GALNT8: variants seen among roughly 807,000 people sequenced by gnomAD.
The protein encoded by GALNT8 is polypeptide N-acetylgalactosaminyltransferase 8.
A neutral mutation model predicts 62.7 loss-of-function variants in GALNT8; 66 were observed. The observed-to-expected ratio is 1.05, with a 90% CI of 0.86 to 1.29. The LOEUF (loss-of-function observed/expected upper bound fraction) is 1.29, where lower values mean the gene tolerates loss of function less well. Among genes scored for constraint, GALNT8 ranks in the 50% most tolerant of loss-of-function variants. The pLI is 0.00. For synonymous variants in GALNT8, 288 were observed against 294.3 expected (o/e 0.98, Z 0.22); for missense variants, 771 against 791.8 (o/e 0.97, Z 0.32).
At chr12:4,755,073 A>AT (rs1946338705) in intron 6 of GALNT8, among the ~76,000 whole-genome samples, 1 of 152,196 alleles carries the variant, frequency 6.6e-6, no homozygotes, top group African/African-American at 2.4e-5. Context: ...GGGATGGGTC[A>AT]TGCCAGTACT....
At chr12:4,758,286 A>T (rs1437379274) in intron 6 of GALNT8, among the ~76,000 whole-genome samples, 1 of 151,836 alleles carries the variant, frequency 6.6e-6, no homozygotes, top group African/African-American at 2.4e-5. Context: ...CTTTATTCTG[A>T]CATCTAGTGG....
intron 7 of GALNT8, among the ~76,000 whole-genome samples, chr12:4,762,521 G>A (rs578119992): frequency 4.7e-4 from 72 of 152,326 alleles, no homozygotes; most frequent in African/African-American, 1.4e-3. Context: ...ATCATGAGGA[G>A]TATGTTGGGT....
rs538197779 is a variant in GALNT8 at position 4,721,513 on chromosome 12, A to G, written c.211+625A>G. On this transcript the variant is annotated intron_variant, in intron 1 of 10. Coordinates refer to ENST00000252318, the MANE Select transcript of GALNT8 (RefSeq NM_017417.2). ...ACGTGAACAAAGGTCTCTGCATCAT[A>G]GACAAGGTAAAGAATTAAGTGCTGT... Among the ~76,000 whole-genome samples the G allele has an allele frequency of 3.0e-3, 455 of 152,316 alleles. 1 individual carries two copies. Among genetic ancestry groups the G allele is most frequent in the African/African-American group, 0.01 (424 of 41,568 alleles).
At chr12:4,770,458 A>G (rs1260093477) in intron 10 of GALNT8, among the ~76,000 whole-genome samples, 1 of 152,016 alleles carries the variant, frequency 6.6e-6, no homozygotes, top group Non-Finnish European at 1.5e-5. Flanking sequence ...GAAATAGAAA[A>G]CAGACCACTG....
chr12:4,764,653 C>A (rs112451651), intron 9 of GALNT8, among the ~76,000 whole-genome samples: 1 of 150,110 alleles, frequency 6.7e-6, no homozygotes, highest in East Asian at 2.0e-4. Flanking sequence ...ACGGCATTCT[C>A]CTGCCTCAGC....
At chr12:4,747,813 T>A (rs1166652172) in intron 6 of GALNT8, among the ~76,000 whole-genome samples, 1 of 152,176 alleles carries the variant, frequency 6.6e-6, no homozygotes, top group Non-Finnish European at 1.5e-5. Flanking sequence ...TCCATAGTGG[T>A]TGTACTAATC....
At position 4,720,755 on chromosome 12, in the gene GALNT8, A is replaced by T. The variant is rs961446090; in HGVS notation, c.78A>T (p.Val26=). ...CCATTGCTGTCAATCTCCTTCTGGT[A>T]TTTTCTAGCAAGGGGACTTTACAAA... ...TLAIAVNLLL[V]FSSKGTLQNL... The change falls in exon 1 of 11, where the codon GTA becomes GTT. Residue 26 remains valine (V), a synonymous_variant. Transcript: ENST00000252318. The T allele has an allele frequency of 6.2e-7, 1 of 1,613,348 alleles. No homozygotes were observed. The highest frequency in any genetic ancestry group is 1.7e-5 in the Admixed American group (1 of 59,990).
At chr12:4,723,050 A>G (rs1379100684) in intron 1 of GALNT8, among the ~76,000 whole-genome samples, 3 of 152,168 alleles carry the variant, frequency 2.0e-5, no homozygotes, top group African/African-American at 4.8e-5. Flanking sequence ...TAAGGCACCC[A>G]TAGCACCTTC....
At position 4,763,264 on chromosome 12, in the gene GALNT8, A is replaced by G. The variant is rs1591574524; in HGVS notation, c.1371A>G (p.Ile457Met). 6.2e-7 allele frequency: 1 copy of G among 1,612,606 alleles called. No homozygotes were observed. Among genetic ancestry groups the G allele is most frequent in the African/African-American group, 1.3e-5 (1 of 74,998 alleles). ...AWNIPLQNSGIDFGDVSSRMA... is the reference protein window; with the variant it reads ...AWNIPLQNSGMDFGDVSSRMA... ...CGTTTTATTTACAGAACTCTGGAAT[A>G]GATTTTGGAGACGTTTCTTCCAGAA... Residue 457 changes from isoleucine (I) to methionine (M), a missense_variant, in exon 8 of 11, where the codon ATA (isoleucine) becomes ATG (methionine). Coordinates refer to ENST00000252318, the MANE Select transcript of GALNT8 (RefSeq NM_017417.2).
At chr12:4,765,856 C>T (rs796939053) in intron 10 of GALNT8, among the ~76,000 whole-genome samples, 32 of 152,292 alleles carry the variant, frequency 2.1e-4, no homozygotes, top group African/African-American at 7.0e-4. Flanking sequence ...CTCACTGCAA[C>T]CTCTGCCTCC....
chr12:4,735,316 C>G (rs1946239532), intron 2 of GALNT8, among the ~76,000 whole-genome samples: 1 of 152,100 alleles, frequency 6.6e-6, no homozygotes, highest in South Asian at 2.1e-4. Context: ...TCCTTCAGAA[C>G]AGCAGGAGTC....
intron 9 of GALNT8, 124 bp from the exon 10 acceptor site, chr12:4,765,255 G>T (rs1042925312): frequency 8.0e-6 from 6 of 752,016 alleles, no homozygotes; most frequent in Non-Finnish European, 1.3e-5. Context: ...AGTGCTCTTG[G>T]TGTGACTGGG....
chr12:4,740,941 C>T (rs962349599), intron 3 of GALNT8, among the ~76,000 whole-genome samples: 12 of 152,182 alleles, frequency 7.9e-5, no homozygotes, highest in Non-Finnish European at 1.6e-4. Context: ...AATTATGTAA[C>T]GCATTTTGCA....
Position 4,763,401 on chromosome 12 carries a change from T to C in GALNT8, c.1497+11T>C. 1.9e-6 allele frequency: 3 copies of C among 1,604,244 alleles called. No homozygotes were observed. Among genetic ancestry groups the C allele is most frequent in the Non-Finnish European group, 2.6e-6 (3 of 1,173,360 alleles). On this transcript the variant is annotated intron_variant, in intron 8 of 10. Transcript: ENST00000252318. The stretch of plus-strand genomic sequence containing the variant: ...GTGGGCTATGGAAGAGTATGTATTA[T>C]GAAATTGCACTTTGGATTTTAAATG...
Position 4,729,680 on chromosome 12 carries a change from C to T in GALNT8, c.509+2851C>T, listed in dbSNP as rs527854647. The stretch of plus-strand genomic sequence containing the variant: ...TAGTATTCCACTATTATGAATAATG[C>T]TCCAATGAAAATGGGAGTGCAGTCT... On this transcript the variant is annotated intron_variant, in intron 2 of 10. Coordinates refer to ENST00000252318, the MANE Select transcript of GALNT8 (RefSeq NM_017417.2). 5.9e-5 allele frequency among the ~76,000 whole-genome samples: 9 copies of T among 152,164 alleles called. No homozygotes were observed. In the South Asian group the frequency reaches 1.9e-3, roughly 32 times the overall value.
chr12:4,759,848 G>A (rs1207682882), intron 6 of GALNT8, among the ~76,000 whole-genome samples: 1 of 152,068 alleles, frequency 6.6e-6, no homozygotes, highest in South Asian at 2.1e-4. Context: ...GAGACATCAC[G>A]TCGATCCAAT....
chr12:4,767,774 A>G (rs1946406215), intron 10 of GALNT8, among the ~76,000 whole-genome samples: 1 of 152,210 alleles, frequency 6.6e-6, no homozygotes, highest in African/African-American at 2.4e-5. Context: ...AAACTACAAC[A>G]AGTTACTTTG....
intron 6 of GALNT8, among the ~76,000 whole-genome samples, chr12:4,757,584 A>G (rs1265568990): frequency 6.6e-6 from 1 of 152,206 alleles, no homozygotes; most frequent in Non-Finnish European, 1.5e-5. Flanking sequence ...GGGGAAAGAG[A>G]GAGAGCAAGC....
At chr12:4,751,076 T>C (rs967895537) in intron 6 of GALNT8, among the ~76,000 whole-genome samples, 1 of 152,204 alleles carries the variant, frequency 6.6e-6, no homozygotes, top group African/African-American at 2.4e-5. Context: ...GCTAGCCATA[T>C]GCAGAAGATT....
Sources: allele counts gnomAD v4.1 joint callset (sites outside exome capture counted in the v4.1 genomes callset), GRCh38; gene constraint gnomAD v4.1.1; transcripts MANE v1.5; gene names NCBI Gene and HGNC (gene_info 2026-07-23, HGNC 2026-07-21).